Variants in OSBPL1A observed in about 807,000 individuals in gnomAD.
OSBPL1A encodes oxysterol-binding protein-related protein 1.
OSBPL1A carries 80 observed loss-of-function variants against 137.1 expected under a neutral mutation model. The ratio of observed to expected loss-of-function variants is 0.58; its 90% CI spans 0.49 to 0.70. OSBPL1A has a LOEUF of 0.70. Ranked by LOEUF, OSBPL1A falls within the 30% of genes least tolerant of loss-of-function variation. The pLI is 0.00. For missense variants in OSBPL1A, 970 were observed against 1,129.4 expected, an observed-to-expected ratio of 0.86 and a Z score of 2.02; for synonymous variants, 365 against 389.7, an observed-to-expected ratio of 0.94 and a Z score of 0.75.
chr18:24,353,922 G>T (rs1414246649), intron 4 of OSBPL1A, among the ~76,000 whole-genome samples: 2 of 120,222 alleles, frequency 1.7e-5, no homozygotes, highest in Non-Finnish European at 3.4e-5. Context: ...CTGTTGTGGG[G>T]TGGGGGGAGG....
rs572667122 is a variant in OSBPL1A, at chr18:24,172,060, C to T, written c.2201+316G>A. ...GGTTCAAGCAATTCTCCTGCCTCAG[C>T]CTCCTGAGTAGCTGGGATTACAGGC... is the stretch of plus-strand genomic sequence containing the variant. On this transcript the variant is annotated intron_variant, in intron 22 of 27. Transcript: ENST00000319481. Among the ~76,000 whole-genome samples the T allele has an allele frequency of 2.6e-5, 4 of 152,002 alleles. No individual in the cohort carries two copies. In the East Asian group the frequency reaches 5.8e-4, roughly 22 times the overall value.
chr18:24,251,014 C>T (rs2089071900), intron 15 of OSBPL1A, among the ~76,000 whole-genome samples: 1 of 152,144 alleles, frequency 6.6e-6, no homozygotes, highest in Non-Finnish European at 1.5e-5. Flanking sequence ...CAGGGAGAGG[C>T]TCCTGTGCCT....
intron 1 of OSBPL1A, among the ~76,000 whole-genome samples, chr18:24,393,387 TAG>T (rs1184693068): frequency 6.6e-6 from 1 of 152,248 alleles, no homozygotes; most frequent in Non-Finnish European, 1.5e-5. Flanking sequence ...GTATTAACAG[TAG>T]AGTCACAGCC....
At chr18:24,183,679 A>G (rs979209151) in intron 18 of OSBPL1A, among the ~76,000 whole-genome samples, 1 of 151,368 alleles carries the variant, frequency 6.6e-6, no homozygotes, top group Non-Finnish European at 1.5e-5. Flanking sequence ...CAGGTGATCC[A>G]CCCGCCTCAG....
intron 14 of OSBPL1A, among the ~76,000 whole-genome samples, chr18:24,288,066 G>A (rs912930731): frequency 6.6e-6 from 1 of 152,202 alleles, no homozygotes; most frequent in South Asian, 2.1e-4. Context: ...ATGGAAACAG[G>A]AAGCATTACA....
At chr18:24,326,991 A>G (rs190704445) in intron 7 of OSBPL1A, among the ~76,000 whole-genome samples, 3 of 152,228 alleles carry the variant, frequency 2.0e-5, no homozygotes, top group African/African-American at 7.2e-5. Context: ...CTGAAAATAG[A>G]TTAGAAGGAT....
intron 14 of OSBPL1A, among the ~76,000 whole-genome samples, chr18:24,294,909 C>A (rs922558934): frequency 5.3e-5 from 8 of 152,132 alleles, no homozygotes; most frequent in Non-Finnish European, 5.9e-5. Context: ...ATAATGACTT[C>A]TTTTCCTTTG....
chr18:24,271,757 CAGGGCGGCCCGCA>C lies in OSBPL1A; in HGVS notation c.1281+9072_1281+9084del, dbSNP rs2089725488. On this transcript the variant is annotated intron_variant, in intron 15 of 27. Transcript: ENST00000319481. The surrounding 1 kb of genome is among the most constrained non-coding windows in gnomAD (Gnocchi z 4.0). ...GCGAGCCGATCCGGGAGGCGCGACC[CAGGGCGGCCCGCA>C]AGGTCTCCCTAAGTCACCTTTGCGC... The C allele has an allele frequency of 1.0e-6, 1 of 985,440 alleles. No homozygotes were observed. The highest frequency in any genetic ancestry group is 1.2e-6 in the Non-Finnish European group (1 of 830,084). The allele number at this position is 985,440 out of a possible 1,614,324, so 61.0% of individuals were successfully genotyped here.
At chr18:24,386,319 C>T (rs1906961862) in intron 1 of OSBPL1A, among the ~76,000 whole-genome samples, 1 of 152,176 alleles carries the variant, frequency 6.6e-6, no homozygotes, top group Admixed American at 6.5e-5. Context: ...AGTTTTAAGA[C>T]AGGCATTTGA....
intron 18 of OSBPL1A, among the ~76,000 whole-genome samples, chr18:24,183,494 G>A (rs569806736): frequency 1.3e-5 from 2 of 150,524 alleles, no homozygotes; most frequent in East Asian, 2.0e-4. Flanking sequence ...GTGCAAAGGC[G>A]CGATCTCGGC....
chr18:24,197,773 GTTCTT>G lies in OSBPL1A; in HGVS notation c.1602-1578_1602-1574del, dbSNP rs199559051. Among the ~76,000 whole-genome samples, 431 of 142,818 alleles carry G rather than the reference GTTCTT, an allele frequency of 3.0e-3. 2 individuals carry two copies. The highest frequency in any genetic ancestry group is 1.0e-2 in the African/African-American group (388 of 38,902). The allele number at this position is 142,818 out of a possible 152,430, so 93.7% of individuals were successfully genotyped here. ...GTAAATTAAATTTTCCATCTATTTT[GTTCTT>G]TTCTTTTCTTTTTTTTTTTTTTTTT... is the stretch of plus-strand genomic sequence containing the variant. On this transcript the variant is annotated intron_variant, in intron 17 of 27. Transcript: ENST00000319481.
chr18:24,169,079 AGCACAGTTGGT>A (rs1183212859), intron 24 of OSBPL1A, among the ~76,000 whole-genome samples: 4 of 152,166 alleles, frequency 2.6e-5, no homozygotes, highest in Non-Finnish European at 5.9e-5. Flanking sequence ...CTGGCTGTAG[AGCACAGTTGGT>A]GCACAGTTCC....
At chr18:24,305,643 C>T (rs1463466026) in intron 13 of OSBPL1A, among the ~76,000 whole-genome samples, 2 of 152,106 alleles carry the variant, frequency 1.3e-5, no homozygotes, top group African/African-American at 4.8e-5. Context: ...GACTTCTATG[C>T]CATTGATATT....
chr18:24,272,416 T>C (rs1195302548), intron 15 of OSBPL1A, among the ~76,000 whole-genome samples: 2 of 152,080 alleles, frequency 1.3e-5, no homozygotes, highest in Non-Finnish European at 2.9e-5. Context: ...ATTTATTGTT[T>C]ATACCCTAGT....
intron 1 of OSBPL1A, among the ~76,000 whole-genome samples, chr18:24,381,131 G>A (rs1906563074): frequency 6.6e-6 from 1 of 152,178 alleles, no homozygotes; most frequent in Non-Finnish European, 1.5e-5. Flanking sequence ...CACTGCAAGA[G>A]AGTCCTGCAG....
intron 17 of OSBPL1A, among the ~76,000 whole-genome samples, chr18:24,196,402 C>CA (rs747353869): frequency 4.6e-5 from 7 of 152,318 alleles, no homozygotes; most frequent in Admixed American, 6.5e-5. Context: ...GATTCTGTAG[C>CA]AATCAACTGC....
At chr18:24,188,882 TC>T (rs1235761651) in intron 18 of OSBPL1A, among the ~76,000 whole-genome samples, 1 of 152,202 alleles carries the variant, frequency 6.6e-6, no homozygotes, top group Non-Finnish European at 1.5e-5. Context: ...CATTTTCACT[TC>T]CAATCCAATG....
At chr18:24,239,701 A>G (rs1456904703) in intron 15 of OSBPL1A, among the ~76,000 whole-genome samples, 1 of 152,190 alleles carries the variant, frequency 6.6e-6, no homozygotes, top group Non-Finnish European at 1.5e-5. Flanking sequence ...AACATAAAGA[A>G]TATTTCTCTC....
At chr18:24,281,886 G>C (rs1352142552) in intron 14 of OSBPL1A, among the ~76,000 whole-genome samples, 3 of 152,154 alleles carry the variant, frequency 2.0e-5, no homozygotes, top group Non-Finnish European at 4.4e-5. Context: ...GTGAGTGGAG[G>C]GTGAGTGAGC....
Sources: allele counts gnomAD v4.1 joint callset (sites outside exome capture counted in the v4.1 genomes callset), GRCh38; gene constraint gnomAD v4.1.1; non-coding constraint Gnocchi (gnomAD v3.1); transcripts MANE v1.5; gene names NCBI Gene and HGNC (gene_info 2026-07-23, HGNC 2026-07-21).